The following DUSP11 variants were observed in gnomAD, a reference collection of about 807,000 sequenced individuals.
DUSP11 encodes RNA/RNP complex-1-interacting phosphatase.
A neutral mutation model predicts 41.4 loss-of-function variants in DUSP11; 27 were observed. The observed-to-expected ratio is 0.65, with a 90% CI of 0.48 to 0.90. The LOEUF (loss-of-function observed/expected upper bound fraction) is 0.90, where lower values mean the gene tolerates loss of function less well. Among genes scored for constraint, DUSP11 ranks in the 40% least tolerant of loss-of-function variants. The probability of loss-of-function intolerance (pLI) is 0.00; values close to 1 mark genes in which losing one functional copy is unlikely to be tolerated. For missense variants in DUSP11, 465 were observed against 461.1 expected (o/e 1.01, Z -0.08); for synonymous variants, 188 against 159.3 (o/e 1.18, Z -1.35).
chr2:73,773,784 A>T lies in DUSP11; in HGVS notation c.574+16T>A. On this transcript the variant is annotated intron_variant, in intron 4 of 8. Transcript: ENST00000272444. ...TCATAATGCACACCACAGTTCAGGT[A>T]AGAACAAAAACTCACCATTATCTTT... 6.3e-7 allele frequency: 1 copy of T among 1,599,570 alleles called. No individual in the cohort carries two copies.
chr2:73,772,855 C>G (rs1672612966), intron 4 of DUSP11, among the ~76,000 whole-genome samples: 1 of 152,210 alleles, frequency 6.6e-6, no homozygotes. Context: ...CTTCCATTCC[C>G]TATCTTCCCA....
chr2:73,765,328 G>A (rs979317555), intron 8 of DUSP11, among the ~76,000 whole-genome samples: 1 of 152,172 alleles, frequency 6.6e-6, no homozygotes, highest in African/African-American at 2.4e-5. Flanking sequence ...CTGGACTTGA[G>A]GACTCATACC....
Position 73,779,882 on chromosome 2 carries a change from G to T in DUSP11, c.234C>A (p.Ile78=), listed in dbSNP as rs754228749. The T allele has an allele frequency of 2.5e-6, 4 of 1,614,052 alleles. No homozygotes were observed. The South Asian group carries it at 3.3e-5, about 13-fold the overall frequency. Reference sequence around the variant, plus strand: ...GGACCAAGACATACTACCTTTCGGGGATGTGGTTTCCGCCCTTCTTCTTGG... The same window carrying T: ...GGACCAAGACATACTACCTTTCGGGTATGTGGTTTCCGCCCTTCTTCTTGG... The change falls in exon 1 of 9, where the codon ATC becomes ATA. Residue 78 remains isoleucine, a synonymous_variant. Coordinates refer to ENST00000272444, the Ensembl canonical transcript of DUSP11.
At chr2:73,765,184 G>T (rs1672435163) in intron 8 of DUSP11, among the ~76,000 whole-genome samples, 1 of 152,074 alleles carries the variant, frequency 6.6e-6, no homozygotes, top group South Asian at 2.1e-4. Context: ...GTTTGCGTAG[G>T]TACCATCCAA....
intron 5 of DUSP11, 22 bp from the exon 6 acceptor site, chr2:73,767,229 G>A (rs200463622): frequency 2.0e-4 from 319 of 1,596,608 alleles, no homozygotes; most frequent in Non-Finnish European, 2.4e-4. Context: ...ACATAATTTG[G>A]GTCATTTATA....
chr2:73,772,072 G>A (rs1018794395), intron 4 of DUSP11, among the ~76,000 whole-genome samples: 5 of 151,696 alleles, frequency 3.3e-5, no homozygotes, highest in Admixed American at 6.6e-5. Context: ...CGCCCACCTC[G>A]GCCTCCCAAA....
At chr2:73,774,583 G>A (rs1053963358) in intron 3 of DUSP11, among the ~76,000 whole-genome samples, 41 of 152,092 alleles carry the variant, frequency 2.7e-4, no homozygotes, top group African/African-American at 9.9e-4. Flanking sequence ...TCTGCTTTCT[G>A]TCTCTGTGAA....
intron 4 of DUSP11, chr2:73,773,534 T>G (rs1170913552): frequency 2.6e-6 from 1 of 379,638 alleles, no homozygotes; most frequent in African/African-American, 2.2e-5. Flanking sequence ...ACATTTTAAT[T>G]TTATATATTT....
At chr2:73,766,546 T>G in exon 8 of DUSP11, 1 of 1,613,918 alleles carries the variant, frequency 6.2e-7, no homozygotes, top group Non-Finnish European at 8.5e-7. Flanking sequence ...GCATGAGATG[T>G]GCTGAGTCTT....
rs114226834 is a variant in DUSP11 at position 73,776,945 on chromosome 2, C to T, written c.318+1356G>A. 2.8e-3 allele frequency among the ~76,000 whole-genome samples: 429 copies of T among 152,270 alleles called. 1 individual carries two copies. The highest frequency in any genetic ancestry group is 9.7e-3 in the African/African-American group (404 of 41,556). On this transcript the variant is annotated intron_variant, in intron 2 of 8. Coordinates refer to ENST00000272444, the Ensembl canonical transcript of DUSP11. ...ATGTATCCACCCTTAGAGTATCACACAGAATAGTTTCACTTCCCTAAAAAT... is the reference window on the plus strand; with the variant it reads ...ATGTATCCACCCTTAGAGTATCACATAGAATAGTTTCACTTCCCTAAAAAT...
At chr2:73,776,413 CAA>C (rs70965758) in intron 2 of DUSP11, among the ~76,000 whole-genome samples, 9 of 99,428 alleles carry the variant, frequency 9.1e-5, no homozygotes, top group African/African-American at 2.0e-4. Context: ...GACACCATCT[CAA>C]AAAAAAAAAA....
intron 8 of DUSP11, 140 bp downstream of exon 8, chr2:73,766,278 C>T: frequency 1.3e-6 from 1 of 773,264 alleles, no homozygotes; most frequent in Non-Finnish European, 2.0e-6. Context: ...CATTGTACTC[C>T]AGCCTGGATG....
At chr2:73,767,369 A>C in intron 5 of DUSP11, 162 bp from the exon 6 acceptor site, 1 of 564,334 alleles carries the variant, frequency 1.8e-6, no homozygotes, top group Non-Finnish European at 3.1e-6. Flanking sequence ...TACCATGACC[A>C]CAAAAAGACG....
intron 1 of DUSP11, 116 bp downstream of exon 1, chr2:73,779,758 G>T: frequency 6.7e-7 from 1 of 1,493,854 alleles, no homozygotes; most frequent in African/African-American, 1.4e-5. Flanking sequence ...CAAAGCAAGC[G>T]GCGGACAAGT....
chr2:73,767,244 A>G, intron 5 of DUSP11, 37 bp from the exon 6 acceptor site: 2 of 1,550,168 alleles, frequency 1.3e-6, no homozygotes, highest in South Asian at 2.3e-5. Flanking sequence ...TTTATATACG[A>G]AAAGAAAAAA....
chr2:73,779,771 A>T, intron 1 of DUSP11, 103 bp downstream of exon 1: 3 of 1,544,342 alleles, frequency 1.9e-6, no homozygotes, highest in Non-Finnish European at 1.8e-6. Flanking sequence ...GGACAAGTCA[A>T]GCTTGCGATG....
chr2:73,770,335 T>C (rs2103936454), intron 4 of DUSP11, among the ~76,000 whole-genome samples: 1 of 151,636 alleles, frequency 6.6e-6, no homozygotes, highest in African/African-American at 2.4e-5. Flanking sequence ...GCCAATATGG[T>C]GAAACCCCAT....
At chr2:73,780,130 C>G (rs551486024) in exon 1 of DUSP11, 1 of 1,552,982 alleles carries the variant, frequency 6.4e-7, no homozygotes. Context: ...CACCGCCGGT[C>G]GTGATGGCGT....
At position 73,769,345 on chromosome 2, in the gene DUSP11, G is replaced by T. The variant is rs1672529837; in HGVS notation, c.575-20C>A. ...GTTTATCTATAAAAAGAAAATACAG[G>T]GTTAAGTAACTGAAGTAGATACACA... On this transcript the variant is annotated intron_variant, in intron 4 of 8. Coordinates refer to ENST00000272444, the Ensembl canonical transcript of DUSP11. The T allele has an allele frequency of 6.4e-7, 1 of 1,570,126 alleles. No individual in the cohort carries two copies. The highest frequency in any genetic ancestry group is 1.1e-5 in the South Asian group (1 of 89,150).
Sources: allele counts gnomAD v4.1 joint callset (sites outside exome capture counted in the v4.1 genomes callset), GRCh38; gene constraint gnomAD v4.1.1; transcripts MANE v1.5; gene names NCBI Gene and HGNC (gene_info 2026-07-23, HGNC 2026-07-21).